The following ST6GALNAC5 variants were observed in gnomAD, a reference collection of about 807,000 sequenced individuals.
ST6GALNAC5 encodes ST6 N-acetylgalactosaminide alpha-2,6-sialyltransferase 5.
In ST6GALNAC5, 27 loss-of-function variants were observed where a neutral mutation model predicts 33.6. That is an observed-to-expected ratio of 0.80 (90% CI 0.59 to 1.11). The LOEUF is 1.11. Among genes scored for constraint, ST6GALNAC5 ranks in the 50% least tolerant of loss-of-function variants. The pLI is 0.00. For missense variants in ST6GALNAC5, 428 were observed against 454.0 expected (o/e 0.94, Z 0.52); for synonymous variants, 194 against 171.2 (o/e 1.13, Z -1.04).
chr1:76,935,361 A>G (rs1225509012), intron 2 of ST6GALNAC5, among the ~76,000 whole-genome samples: 4 of 152,030 alleles, frequency 2.6e-5, no homozygotes, highest in South Asian at 2.1e-4. Flanking sequence ...TGCAGAATTC[A>G]TTTTTTAAAA....
Position 77,062,903 on chromosome 1 carries a change from C to A in ST6GALNAC5, c.780-72C>A, listed in dbSNP as rs1652630031. On this transcript the variant is annotated intron_variant, in intron 4 of 4. Transcript: ENST00000477717. ...ATTTTTATCAGCTTATTAAAGATAA[C>A]ATCTTACCTCAATCAGTCAAAGGAA... 1.3e-4 allele frequency: 135 copies of A among 1,064,484 alleles called. 1 individual carries two copies. In the South Asian group the frequency reaches 1.7e-3, roughly 14 times the overall value. 65.9% of individuals were successfully genotyped at this position (1,064,484 alleles called of 1,614,324 possible).
In ST6GALNAC5 at chr1:76,913,723, C is replaced by T. The variant is rs1287445435; in HGVS notation, c.261+44981C>T. On this transcript the variant is annotated intron_variant, in intron 2 of 4. Coordinates refer to ENST00000477717, the MANE Select transcript of ST6GALNAC5 (RefSeq NM_030965.3). ...CAGTTGATGGCATCGGCTCCAAACC[C>T]ACAGGCAATATCATACTGAATGGGC... 2.0e-5 allele frequency among the ~76,000 whole-genome samples: 3 copies of T among 152,256 alleles called. No individual in the cohort carries two copies. In the East Asian group the frequency reaches 5.8e-4, roughly 29 times the overall value.
At chr1:77,017,878 T>C (rs1190650946) in intron 2 of ST6GALNAC5, among the ~76,000 whole-genome samples, 2 of 152,206 alleles carry the variant, frequency 1.3e-5, no homozygotes, top group African/African-American at 4.8e-5. Context: ...GAAAGAACAC[T>C]ACACGTGGGA....
intron 2 of ST6GALNAC5, among the ~76,000 whole-genome samples, chr1:76,941,789 G>C (rs1647343934): frequency 6.6e-6 from 1 of 152,066 alleles, no homozygotes; most frequent in Non-Finnish European, 1.5e-5. Flanking sequence ...CCAACAACTT[G>C]ATTTCTGATT....
chr1:76,925,580 C>A (rs1028667166), intron 2 of ST6GALNAC5, among the ~76,000 whole-genome samples: 2 of 151,906 alleles, frequency 1.3e-5, no homozygotes, highest in Non-Finnish European at 2.9e-5. Context: ...TAGGTGCAGC[C>A]ATCCAAGGCA....
chr1:76,994,196 A>C (rs1356116252), intron 2 of ST6GALNAC5, among the ~76,000 whole-genome samples: 1 of 152,238 alleles, frequency 6.6e-6, no homozygotes, highest in Non-Finnish European at 1.5e-5. Flanking sequence ...TTTGATTGAC[A>C]CCAAAAGCCT....
At chr1:77,044,041 C>T (rs938607242) in intron 2 of ST6GALNAC5, among the ~76,000 whole-genome samples, 163 bp from the exon 3 acceptor site, 10 of 152,074 alleles carry the variant, frequency 6.6e-5, no homozygotes, top group African/African-American at 1.4e-4. Context: ...TAGAAGAGAA[C>T]GCAAGGGTCC....
At position 76,867,560 on chromosome 1, in the gene ST6GALNAC5, G is replaced by A. The variant is rs1653368034; in HGVS notation, c.-116G>A. The A allele has an allele frequency of 2.6e-5, 40 of 1,559,700 alleles. No individual in the cohort carries two copies. The highest frequency in any genetic ancestry group is 3.4e-5 in the Non-Finnish European group (38 of 1,132,312). On this transcript the variant is annotated 5_prime_UTR_variant, in exon 1 of 5. Transcript: ENST00000477717. ...TCCCGCGCGCGATCTGCCGCGGCCG[G>A]CTGCTGGGCAAAAATCAGAGCCGCC...
chr1:76,960,065 T>G (rs1193595696), intron 2 of ST6GALNAC5, among the ~76,000 whole-genome samples: 1 of 152,190 alleles, frequency 6.6e-6, no homozygotes, highest in East Asian at 1.9e-4. Context: ...TACCCCACTT[T>G]TAAATATACA....
chr1:76,934,031 T>C (rs1557728316), intron 2 of ST6GALNAC5, among the ~76,000 whole-genome samples: 1 of 152,164 alleles, frequency 6.6e-6, no homozygotes, highest in East Asian at 1.9e-4. Context: ...TTGTTGTTGT[T>C]TGGGCTTTTG....
intron 3 of ST6GALNAC5, 107 bp from the exon 4 acceptor site, chr1:77,050,151 G>C (rs1652171379): frequency 1.2e-6 from 1 of 847,838 alleles, no homozygotes. Flanking sequence ...AGGAGAGAGG[G>C]AGAGACTCTT....
chr1:76,910,509 T>C (rs1049533150), intron 2 of ST6GALNAC5, among the ~76,000 whole-genome samples: 3 of 152,080 alleles, frequency 2.0e-5, no homozygotes, highest in Admixed American at 6.6e-5. Context: ...AGGTTTCATG[T>C]TTTTGACTGT....
chr1:76,948,609 G>C (rs1288754727), intron 2 of ST6GALNAC5, among the ~76,000 whole-genome samples: 1 of 151,602 alleles, frequency 6.6e-6, no homozygotes, highest in African/African-American at 2.4e-5. Flanking sequence ...GAGAGAGAGA[G>C]AGAGAGAGAG....
At chr1:76,967,546 A>T (rs1182171702) in intron 2 of ST6GALNAC5, among the ~76,000 whole-genome samples, 1 of 152,128 alleles carries the variant, frequency 6.6e-6, no homozygotes, top group Non-Finnish European at 1.5e-5. Flanking sequence ...TCCTGAATTC[A>T]TTAATTTTTT....
At chr1:76,940,189 A>C (rs578262284) in intron 2 of ST6GALNAC5, among the ~76,000 whole-genome samples, 1 of 152,238 alleles carries the variant, frequency 6.6e-6, no homozygotes, top group South Asian at 2.1e-4. Flanking sequence ...AGCAGAAGAT[A>C]TGGCCGGGGC....
intron 2 of ST6GALNAC5, among the ~76,000 whole-genome samples, chr1:76,886,286 A>G (rs1653892954): frequency 6.6e-6 from 1 of 152,092 alleles, no homozygotes; most frequent in Non-Finnish European, 1.5e-5. Context: ...ACTGAATTCT[A>G]TGACTATTTT....
rs1372883896 is a variant in ST6GALNAC5 at position 76,867,786 on chromosome 1, T to C, written c.15+96T>C. Reference sequence around the variant, plus strand: ...GTGGAGACTCCGAGACGCCTAACCCTGGGCCGCGAGGTCGCCTGTTACAAA... The same window carrying C: ...GTGGAGACTCCGAGACGCCTAACCCCGGGCCGCGAGGTCGCCTGTTACAAA... On this transcript the variant is annotated intron_variant, in intron 1 of 4. Transcript: ENST00000477717. 5 of 1,577,126 alleles carry C rather than the reference T, an allele frequency of 3.2e-6. No homozygotes were observed. In the Admixed American group the frequency reaches 6.9e-5, roughly 22 times the overall value.
chr1:77,043,017 G>A (rs1390912862), intron 2 of ST6GALNAC5, among the ~76,000 whole-genome samples: 1 of 152,150 alleles, frequency 6.6e-6, no homozygotes. Context: ...TGAAGACACA[G>A]CCATGTCTCA....
At chr1:76,921,707 C>G (rs753156570) in intron 2 of ST6GALNAC5, among the ~76,000 whole-genome samples, 1 of 152,094 alleles carries the variant, frequency 6.6e-6, no homozygotes, top group Non-Finnish European at 1.5e-5. Flanking sequence ...GTATGCAATA[C>G]TAATTCACCA....
Sources: gnomAD v4.1 joint callset for allele counts (sites outside exome capture counted in the v4.1 genomes callset) on GRCh38, gnomAD v4.1.1 for gene constraint, MANE v1.5 for transcripts, NCBI Gene and HGNC (gene_info 2026-07-23, HGNC 2026-07-21) for gene names.